MOXD1: variants seen among roughly 807,000 people sequenced by gnomAD.
MOXD1 encodes monooxygenase DBH like 1.
A neutral mutation model predicts 66.6 loss-of-function variants in MOXD1; 62 were observed. The ratio of observed to expected loss-of-function variants is 0.93; its 90% CI spans 0.76 to 1.15. The LOEUF (loss-of-function observed/expected upper bound fraction) is 1.15, where lower values mean the gene tolerates loss of function less well. MOXD1 is among the 50% of genes most tolerant of loss of function. The probability of loss-of-function intolerance (pLI) is 0.00; values close to 1 mark genes in which losing one functional copy is unlikely to be tolerated. For synonymous variants in MOXD1, 303 were observed against 281.9 expected, an observed-to-expected ratio of 1.07 and a Z score of -0.75; for missense variants, 847 against 754.6, an observed-to-expected ratio of 1.12 and a Z score of -1.44.
intron 4 of MOXD1, among the ~76,000 whole-genome samples, chr6:132,331,821 A>T (rs1443173349): frequency 6.6e-6 from 1 of 152,160 alleles, no homozygotes; most frequent in Non-Finnish European, 1.5e-5. Flanking sequence ...TATTGTAGGA[A>T]GCGTGTTGGA....
intron 10 of MOXD1, among the ~76,000 whole-genome samples, chr6:132,303,606 T>C (rs1774596433): frequency 6.6e-6 from 1 of 151,088 alleles, no homozygotes; most frequent in Non-Finnish European, 1.5e-5. Context: ...ATGTTCAATA[T>C]AGATGCAATT....
At chr6:132,324,349 A>G (rs193286912) in intron 6 of MOXD1, among the ~76,000 whole-genome samples, 2 of 152,346 alleles carry the variant, frequency 1.3e-5, no homozygotes, top group East Asian at 3.9e-4. Flanking sequence ...ACAGCATACT[A>G]CAAGAGAAAT....
At chr6:132,377,627 C>G (rs767501182) in intron 1 of MOXD1, among the ~76,000 whole-genome samples, 7 of 152,148 alleles carry the variant, frequency 4.6e-5, no homozygotes, top group African/African-American at 1.4e-4. Context: ...ACCCCTTGCG[C>G]CATCTGCCCT....
chr6:132,392,135 G>T (rs1041118940), intron 1 of MOXD1: 14 of 1,484,162 alleles, frequency 9.4e-6, no homozygotes, highest in East Asian at 2.5e-5. Flanking sequence ...GTTGGCTGGG[G>T]TGTGCTTAAA....
At chr6:132,315,451 G>A (rs576560778) in intron 10 of MOXD1, among the ~76,000 whole-genome samples, 184 bp downstream of exon 10, 7 of 152,268 alleles carry the variant, frequency 4.6e-5, no homozygotes, top group African/African-American at 1.4e-4. Context: ...AGAACCTGAG[G>A]GTGGTCTTGG....
chr6:132,363,115 C>T (rs1038836087), intron 4 of MOXD1, among the ~76,000 whole-genome samples: 4 of 151,862 alleles, frequency 2.6e-5, no homozygotes, highest in Admixed American at 6.6e-5. Context: ...TGTGTCTATG[C>T]ATTAATTCCG....
At position 132,317,885 on chromosome 6, in the gene MOXD1, G is replaced by T. The variant is rs571772167; in HGVS notation, c.1366-2108C>A. On this transcript the variant is annotated intron_variant, in intron 9 of 11. Transcript: ENST00000367963. ...CATTACACTTTACATTCAGTATATT[G>T]AAGTATGTATCCCTAAACAATATAT... 3.3e-5 allele frequency among the ~76,000 whole-genome samples: 5 copies of T among 151,866 alleles called. No individual in the cohort carries two copies. The East Asian group carries it at 9.7e-4, about 29-fold the overall frequency.
At chr6:132,397,524 G>C (rs905263648) in intron 1 of MOXD1, among the ~76,000 whole-genome samples, 1 of 152,084 alleles carries the variant, frequency 6.6e-6, no homozygotes. Context: ...TTGTGTGTGA[G>C]TGTGTGTGAA....
chr6:132,328,045 T>A lies in MOXD1; in HGVS notation c.914A>T (p.Glu305Val). The A allele has an allele frequency of 1.2e-6, 2 of 1,613,686 alleles. No individual in the cohort carries two copies. The highest frequency in any genetic ancestry group is 1.3e-5 in the African/African-American group (1 of 75,008). ...ATAAGTGGGATTATCATAATGGACT[T>A]CTAGGAGCACATAATGCGGATCTAA... ...TPLDPHYVLL[E>V]VHYDNPTYEE... The change falls in exon 6 of 12, where the codon GAA (glutamate) becomes GTA (valine). Residue 305 changes from glutamate (E) to valine (V), a missense_variant. Transcript: ENST00000367963.
At chr6:132,372,369 G>GC (rs1180797513) in intron 4 of MOXD1, among the ~76,000 whole-genome samples, 1 of 152,022 alleles carries the variant, frequency 6.6e-6, no homozygotes. Flanking sequence ...GTGTTCATGT[G>GC]CATACCAAAA....
chr6:132,326,089 T>C (rs914360939), intron 6 of MOXD1, among the ~76,000 whole-genome samples: 1 of 152,208 alleles, frequency 6.6e-6, no homozygotes, highest in Non-Finnish European at 1.5e-5. Flanking sequence ...TTGCATTTTG[T>C]ATAGTTAGGT....
At chr6:132,314,165 C>T (rs1424169489) in intron 10 of MOXD1, among the ~76,000 whole-genome samples, 3 of 152,118 alleles carry the variant, frequency 2.0e-5, no homozygotes, top group Non-Finnish European at 4.4e-5. Context: ...CAGCATGTTC[C>T]CCTAACACCA....
At chr6:132,397,686 GAAAGAAAGAAAGAAAA>G (rs1776924665) in intron 1 of MOXD1, among the ~76,000 whole-genome samples, 1 of 131,122 alleles carries the variant, frequency 7.6e-6, no homozygotes, top group Non-Finnish European at 1.7e-5. Context: ...AAGAAAGAAA[GAAAGAAAGAAAGAAAA>G]AGAAAGAGTA....
intron 2 of MOXD1, 133 bp from the exon 3 acceptor site, chr6:132,373,130 A>C (rs1776302600): frequency 1.2e-6 from 1 of 839,624 alleles, no homozygotes; most frequent in Non-Finnish European, 1.7e-6. Context: ...GGAGTTATCA[A>C]CATGGTCTCT....
At chr6:132,363,960 A>C (rs1776066606) in intron 4 of MOXD1, among the ~76,000 whole-genome samples, 1 of 152,172 alleles carries the variant, frequency 6.6e-6, no homozygotes, top group Non-Finnish European at 1.5e-5. Context: ...GAAATGTGCT[A>C]GTGCTATTCA....
chr6:132,381,926 C>T (rs534736017), intron 1 of MOXD1, among the ~76,000 whole-genome samples: 9 of 152,096 alleles, frequency 5.9e-5, no homozygotes, highest in Admixed American at 3.3e-4. Flanking sequence ...GACATCCTCA[C>T]CCACTCCTCA....
intron 4 of MOXD1, among the ~76,000 whole-genome samples, chr6:132,351,336 A>C (rs1205357132): frequency 1.3e-5 from 2 of 151,998 alleles, no homozygotes; most frequent in African/African-American, 4.8e-5. Context: ...CTTTGCTAAG[A>C]GTTTTAATCG....
intron 1 of MOXD1, chr6:132,392,262 G>T (rs779010271): frequency 2.5e-6 from 4 of 1,603,638 alleles, no homozygotes; most frequent in South Asian, 2.2e-5. Flanking sequence ...AAGACACTTC[G>T]CATCACAGGC....
rs374644157 is a variant in MOXD1 at position 132,306,530 on chromosome 6, C to T, written c.1509-8575G>A. 5.3e-5 allele frequency among the ~76,000 whole-genome samples: 8 copies of T among 152,128 alleles called. No homozygotes were observed. In the South Asian group the frequency reaches 6.2e-4, roughly 12 times the overall value. The stretch of plus-strand genomic sequence containing the variant: ...CAGAGAACACCATTAAGATACTCCA[C>T]GAGAAGATCAACCCCAAGACACATA... On this transcript the variant is annotated intron_variant, in intron 10 of 11. Coordinates refer to ENST00000367963, the MANE Select transcript of MOXD1 (RefSeq NM_015529.4).
Sources: allele counts gnomAD v4.1 joint callset (sites outside exome capture counted in the v4.1 genomes callset), GRCh38; gene constraint gnomAD v4.1.1; transcripts MANE v1.5; gene names NCBI Gene and HGNC (gene_info 2026-07-23, HGNC 2026-07-21).